Variants in ARHGAP15 observed in about 807,000 individuals in gnomAD.
ARHGAP15 encodes Rho GTPase activating protein 15, also known as rho GTPase-activating protein 15.
In ARHGAP15, 51 loss-of-function variants were observed where a neutral mutation model predicts 63.7. The ratio of observed to expected loss-of-function variants is 0.80; its 90% CI spans 0.64 to 1.01. The LOEUF is 1.01. Ranked by LOEUF, ARHGAP15 falls within the 50% of genes least tolerant of loss-of-function variation. ARHGAP15 has a pLI of 0.00. For synonymous variants in ARHGAP15, 191 were observed against 193.8 expected (o/e 0.99, Z 0.12); for missense variants, 560 against 564.6 (o/e 0.99, Z 0.08).
chr2:143,303,643 G>A (rs1683023843), intron 6 of ARHGAP15, among the ~76,000 whole-genome samples: 1 of 152,092 alleles, frequency 6.6e-6, no homozygotes, highest in African/African-American at 2.4e-5. Context: ...CTTCTGCACA[G>A]CAAAAGAAAC....
chr2:143,302,810 G>C (rs1024566041), intron 6 of ARHGAP15, among the ~76,000 whole-genome samples: 1 of 151,994 alleles, frequency 6.6e-6, no homozygotes, highest in Non-Finnish European at 1.5e-5. Context: ...TCATGAGCTT[G>C]ACCAGAAGTA....
chr2:143,730,806 T>A (rs1685492460), intron 13 of ARHGAP15, among the ~76,000 whole-genome samples: 2 of 151,280 alleles, frequency 1.3e-5, no homozygotes, highest in South Asian at 4.2e-4. Flanking sequence ...TATAGAAGGT[T>A]TTTGTTTGGG....
chr2:143,351,313 T>C (rs1685561298), intron 6 of ARHGAP15: 1 of 152,220 alleles, frequency 6.6e-6, no homozygotes, highest in South Asian at 2.1e-4. Context: ...ATGTTTTTGA[T>C]AAGGCACATT....
intron 2 of ARHGAP15, among the ~76,000 whole-genome samples, chr2:143,196,171 T>G (rs1691879549): frequency 6.6e-6 from 1 of 152,054 alleles, no homozygotes; most frequent in East Asian, 1.9e-4. Context: ...TTTGCACAAT[T>G]AGAAAGCTAA....
intron 12 of ARHGAP15, among the ~76,000 whole-genome samples, chr2:143,674,656 G>A (rs151007280): frequency 1.5e-4 from 23 of 152,250 alleles, no homozygotes; most frequent in Admixed American, 3.9e-4. Context: ...TGAGTCATAC[G>A]AATTTTTTGG....
At chr2:143,730,125 T>A (rs1685460676) in intron 13 of ARHGAP15, among the ~76,000 whole-genome samples, 1 of 152,218 alleles carries the variant, frequency 6.6e-6, no homozygotes, top group Admixed American at 6.5e-5. Context: ...AGAAAGCTAC[T>A]TTGAAGATAT....
At chr2:143,620,958 A>G (rs1034814184) in intron 11 of ARHGAP15, among the ~76,000 whole-genome samples, 3 of 152,248 alleles carry the variant, frequency 2.0e-5, no homozygotes, top group Non-Finnish European at 2.9e-5. Flanking sequence ...ATATGTGTGT[A>G]TCTAATTTTC....
chr2:143,427,833 G>A (rs1689198072), intron 6 of ARHGAP15, among the ~76,000 whole-genome samples: 1 of 152,070 alleles, frequency 6.6e-6, no homozygotes, highest in Non-Finnish European at 1.5e-5. Context: ...CTGAAAGAAT[G>A]CAATTGTATT....
intron 12 of ARHGAP15, among the ~76,000 whole-genome samples, chr2:143,633,411 G>T (rs1239751052): frequency 6.6e-6 from 1 of 152,102 alleles, no homozygotes; most frequent in East Asian, 1.9e-4. Context: ...CCCTTTATAA[G>T]TAAAACTAGA....
At chr2:143,193,158 T>G (rs776214798) in intron 2 of ARHGAP15, among the ~76,000 whole-genome samples, 3 of 152,128 alleles carry the variant, frequency 2.0e-5, no homozygotes, top group Non-Finnish European at 4.4e-5. Context: ...GGACAGATAT[T>G]GTACAAAGAA....
At chr2:143,607,888 A>C (rs1428306883) in intron 11 of ARHGAP15, 2 of 152,216 alleles carry the variant, frequency 1.3e-5, no homozygotes, top group African/African-American at 2.4e-5. Context: ...AGAACTCCTA[A>C]GTGGAGGAAT....
chr2:143,255,172 A>G (rs900178300), intron 6 of ARHGAP15, among the ~76,000 whole-genome samples: 5 of 152,258 alleles, frequency 3.3e-5, no homozygotes, highest in African/African-American at 1.2e-4. Flanking sequence ...CTGCCAATTA[A>G]TAAATCATGG....
intron 13 of ARHGAP15, among the ~76,000 whole-genome samples, chr2:143,732,150 G>T (rs1685565275): frequency 1.3e-5 from 2 of 152,184 alleles, no homozygotes; most frequent in South Asian, 4.1e-4. Flanking sequence ...TCTGAATCTT[G>T]TTGCCTCTGG....
rs142058761 is a variant in ARHGAP15, at chr2:143,530,354, T to A, written c.925+10990T>A. Among the ~76,000 whole-genome samples the A allele has an allele frequency of 1.4e-3, 210 of 152,232 alleles. 2 individuals are homozygous for A. Among genetic ancestry groups the A allele is most frequent in the African/African-American group, 4.8e-3 (201 of 41,546 alleles). On this transcript the variant is annotated intron_variant, in intron 10 of 13. Transcript: ENST00000295095. Reference sequence around the variant, plus strand: ...ATAGGACGGAAATAGGGCAATGACCTTTGTGTCCAATACAGGTTTCAGACA... The same window carrying A: ...ATAGGACGGAAATAGGGCAATGACCATTGTGTCCAATACAGGTTTCAGACA...
chr2:143,203,371 C>G (rs1035799923), intron 3 of ARHGAP15, among the ~76,000 whole-genome samples: 1 of 152,084 alleles, frequency 6.6e-6, no homozygotes, highest in Non-Finnish European at 1.5e-5. Flanking sequence ...TCTGTTTAGG[C>G]TTTTATCTCA....
At chr2:143,349,545 A>T (rs1402595733) in intron 6 of ARHGAP15, among the ~76,000 whole-genome samples, 1 of 152,228 alleles carries the variant, frequency 6.6e-6, no homozygotes, top group African/African-American at 2.4e-5. Context: ...ATGTGAAGAT[A>T]TCTCTGCTGA....
intron 6 of ARHGAP15, among the ~76,000 whole-genome samples, chr2:143,311,914 T>C (rs1174278080): frequency 1.3e-5 from 2 of 152,160 alleles, no homozygotes; most frequent in Non-Finnish European, 2.9e-5. Context: ...TGTGTTGGAA[T>C]GGCAATGCGC....
At chr2:143,321,753 A>G (rs1005530328) in intron 6 of ARHGAP15, among the ~76,000 whole-genome samples, 1 of 152,098 alleles carries the variant, frequency 6.6e-6, no homozygotes, top group Non-Finnish European at 1.5e-5. Context: ...TTGGAGTGTA[A>G]TGGCACTGTC....
At chr2:143,387,297 G>C (rs562121463) in intron 6 of ARHGAP15, among the ~76,000 whole-genome samples, 2 of 152,260 alleles carry the variant, frequency 1.3e-5, no homozygotes, top group South Asian at 2.1e-4. Context: ...ATTTTTATCT[G>C]ATGTCCTGAT....
Sources: gnomAD v4.1 joint callset for allele counts (sites outside exome capture counted in the v4.1 genomes callset) on GRCh38, gnomAD v4.1.1 for gene constraint, MANE v1.5 for transcripts, NCBI Gene and HGNC (gene_info 2026-07-23, HGNC 2026-07-21) for gene names.